The following BRCA1 variants were observed in gnomAD, a reference collection of about 807,000 sequenced individuals.
BRCA1 encodes breast cancer type 1 susceptibility protein.
In BRCA1, 140 loss-of-function variants were observed where a neutral mutation model predicts 173.7. The ratio of observed to expected loss-of-function variants is 0.81; its 90% CI spans 0.70 to 0.93. The LOEUF (loss-of-function observed/expected upper bound fraction) is 0.93. BRCA1 is among the 40% of genes least tolerant of loss of function. The pLI is 0.00. For synonymous variants in BRCA1, 662 were observed against 756.0 expected (o/e 0.88, Z 2.04); for missense variants, 1,983 against 2,172.5 (o/e 0.91, Z 1.73).
At chr17:43,157,743 T>G (rs1224780232) in intron 1 of BRCA1, among the ~76,000 whole-genome samples, 1 of 151,824 alleles carries the variant, frequency 6.6e-6, no homozygotes, top group Non-Finnish European at 1.5e-5. Flanking sequence ...ACGCCTGTAA[T>G]CCCAGCACTT....
intron 18 of BRCA1, among the ~76,000 whole-genome samples, chr17:43,059,469 C>CACAACA (rs746155740): frequency 0.16 from 23,224 of 147,434 alleles, 1,965 homozygotes; most frequent in South Asian, 0.23. Flanking sequence ...GAGATGCTGT[C>CACAACA]ACAACAACAA....
At chr17:43,127,753 A>G (rs34410138), upstream of BRCA1, among the ~76,000 whole-genome samples, 49,527 of 151,896 alleles carry the variant, frequency 0.33, 8,441 homozygotes, top group South Asian at 0.5. Flanking sequence ...GCTGGGTGCC[A>G]GTGGCTCACA....
rs80356932 is a variant in BRCA1, at chr17:43,076,600, G to A, written c.4372C>T (p.Gln1458Ter). ...STSEKAVLTS[Q>*]KSSEYPISQN... ...CTTATAGGGTATTCACTACTTTTCTGTGAAGTTAATACTGCTTTAAATGGA... is the reference window on the plus strand; with the variant it reads ...CTTATAGGGTATTCACTACTTTTCTATGAAGTTAATACTGCTTTAAATGGA... Residue 1458 changes from glutamine to a stop codon, truncating the protein, a stop_gained, in exon 13 of 23, where the codon CAG becomes TAG. Coordinates refer to ENST00000357654, the MANE Select transcript of BRCA1 (RefSeq NM_007294.4). LOFTEE classifies it high-confidence loss of function. 1 of 1,613,442 alleles carries A rather than the reference G, an allele frequency of 6.2e-7. No homozygotes were observed. The highest frequency in any genetic ancestry group is 2.2e-5 in the East Asian group (1 of 44,824).
chr17:43,061,336 T>C (rs1476610874), intron 18 of BRCA1, among the ~76,000 whole-genome samples: 1 of 152,140 alleles, frequency 6.6e-6, no homozygotes, highest in East Asian at 1.9e-4. Flanking sequence ...GCTAATACTA[T>C]TCCACTGTTC....
chr17:43,101,511 T>C (rs1815638703), intron 6 of BRCA1, among the ~76,000 whole-genome samples: 1 of 152,050 alleles, frequency 6.6e-6, no homozygotes, highest in Non-Finnish European at 1.5e-5. Flanking sequence ...ATTACTTTTT[T>C]TTCTTTTTTG....
intron 12 of BRCA1, among the ~76,000 whole-genome samples, chr17:43,077,135 G>C (rs562927690): frequency 6.6e-6 from 1 of 151,714 alleles, no homozygotes; most frequent in African/African-American, 2.4e-5. Context: ...AGAAAAAACA[G>C]GTGACATTTT....
At chr17:43,135,513 C>T (rs2056012236) in intron 1 of BRCA1, among the ~76,000 whole-genome samples, 2 of 152,176 alleles carry the variant, frequency 1.3e-5, no homozygotes, top group South Asian at 4.1e-4. Context: ...TGTCATAAGC[C>T]GGTGGAGAAG....
rs1555589969 is a variant in BRCA1, at chr17:43,093,239, T to C, written c.2292A>G (p.Val764=). Residue 764 remains valine (V), a synonymous_variant, in exon 10 of 23, where the codon GTA becomes GTG. Transcript: ENST00000357654. ...GTACCAATGAAATACTGCTACTCTC[T>C]ACAGATCTTTCAGTTTGCAAAACCC... The part of the protein sequence containing the change: ...GERVLQTERS[V]ESSSISLVPG... 1 of 1,614,122 alleles carries C rather than the reference T, an allele frequency of 6.2e-7. No homozygotes were observed.
At chr17:43,116,559 C>T (rs1361802663) in intron 2 of BRCA1, among the ~76,000 whole-genome samples, 1 of 152,164 alleles carries the variant, frequency 6.6e-6, no homozygotes, top group East Asian at 1.9e-4. Flanking sequence ...GCTTTTGTAG[C>T]CCAGACTGGC....
chr17:43,067,774 ATATGTTTACC>A, intron 15 of BRCA1, 79 bp from the exon 16 acceptor site: 1 of 1,111,672 alleles, frequency 9.0e-7, no homozygotes, highest in Non-Finnish European at 1.4e-6. Context: ...CCACCATGGC[ATATGTTTACC>A]TATGTAGCAA....
At chr17:43,099,685 A>G (rs2054284590) in intron 7 of BRCA1, 90 bp downstream of exon 7, 6 of 1,125,610 alleles carry the variant, frequency 5.3e-6, no homozygotes, top group Non-Finnish European at 8.1e-6. Flanking sequence ...CCTACCACAA[A>G]TACAAATTAT....
At position 43,074,421 on chromosome 17, in the gene BRCA1, T is replaced by C. The variant is rs80357095; in HGVS notation, c.4585A>G (p.Ile1529Val). The C allele has an allele frequency of 3.1e-6, 5 of 1,613,666 alleles. No individual in the cohort carries two copies. The African/African-American group carries it at 6.7e-5, about 22-fold the overall frequency. Residue 1529 changes from isoleucine (I) to valine (V), a missense_variant, in exon 14 of 23, where the codon ATT (isoleucine) becomes GTT (valine). Transcript: ENST00000357654. ...NRNYPSQEEL[I>V]KVVDVEEQQL... ...TGCTCCTCCACATCAACAACCTTAA[T>C]GAGCTCCTCTTGAGATGGGTAGTTT...
intron 1 of BRCA1, chr17:43,138,579 C>A (rs1348153663): frequency 1.4e-6 from 1 of 714,578 alleles, no homozygotes; most frequent in Non-Finnish European, 2.6e-6. Context: ...AAGTAGGGCT[C>A]CCCACCATGC....
At chr17:43,056,171 G>A (rs2051446283) in intron 19 of BRCA1, among the ~76,000 whole-genome samples, 1 of 150,604 alleles carries the variant, frequency 6.6e-6, no homozygotes, top group Non-Finnish European at 1.5e-5. Context: ...AGCATAAAGT[G>A]ATCTTTTTTT....
chr17:43,118,123 A>G lies in BRCA1; in HGVS notation c.81-2344T>C, dbSNP rs544660181. ...GGAAAGGTTTCACTGAGGTGAGACT[A>G]GAGGATAGCTTAATAATGTAAAGAA... is the stretch of plus-strand genomic sequence containing the variant. On this transcript the variant is annotated intron_variant, in intron 2 of 22. Transcript: ENST00000357654. 5.9e-5 allele frequency among the ~76,000 whole-genome samples: 9 copies of G among 152,344 alleles called. No individual in the cohort carries two copies. The South Asian group carries it at 1.7e-3, about 28-fold the overall frequency.
intron 12 of BRCA1, 119 bp from the exon 13 acceptor site, chr17:43,076,733 A>C (rs2052753808): frequency 8.2e-7 from 1 of 1,223,732 alleles, no homozygotes. Context: ...TTGGTTTTTA[A>C]ACAAGTATAT....
At chr17:43,167,219 T>C (rs1597949356) in intron 1 of BRCA1, 1 of 152,238 alleles carries the variant, frequency 6.6e-6, no homozygotes. Flanking sequence ...GCCATTCACC[T>C]CGCTTCCCAG....
chr17:43,048,904 G>A (rs950313509), intron 21 of BRCA1, among the ~76,000 whole-genome samples: 1 of 152,110 alleles, frequency 6.6e-6, no homozygotes, highest in African/African-American at 2.4e-5. Flanking sequence ...ATGGGAAAAA[G>A]AGTTAGAGGG....
intron 6 of BRCA1, among the ~76,000 whole-genome samples, chr17:43,100,668 A>ATGT (rs1179628037): frequency 1.9e-3 from 46 of 24,374 alleles, no homozygotes; most frequent in Admixed American, 8.5e-3. Flanking sequence ...ATATATATAT[A>ATGT]TATATATATA....
Sources: gnomAD v4.1 joint callset for allele counts (sites outside exome capture counted in the v4.1 genomes callset) on GRCh38, gnomAD v4.1.1 for gene constraint, MANE v1.5 for transcripts, NCBI Gene and HGNC (gene_info 2026-07-23, HGNC 2026-07-21) for gene names.